The following GADL1 variants were observed in gnomAD, a reference collection of about 807,000 sequenced individuals.
GADL1 encodes the protein GAD like acidic amino acid decarboxylase 1, also known as acidic amino acid decarboxylase GADL1.
In GADL1, 71 loss-of-function variants were observed where a neutral mutation model predicts 69.5. The observed-to-expected ratio is 1.02, with a 90% CI of 0.84 to 1.25. The LOEUF (loss-of-function observed/expected upper bound fraction) is 1.25, where lower values mean the gene tolerates loss of function less well. GADL1 is among the 50% of genes most tolerant of loss of function. The pLI is 0.00. For synonymous variants in GADL1, 254 were observed against 214.4 expected, an observed-to-expected ratio of 1.18 and a Z score of -1.62; for missense variants, 737 against 631.8, an observed-to-expected ratio of 1.17 and a Z score of -1.79.
At chr3:30,810,085 T>C (rs1416983669) in intron 11 of GADL1, among the ~76,000 whole-genome samples, 1 of 152,172 alleles carries the variant, frequency 6.6e-6, no homozygotes, top group African/African-American at 2.4e-5. Flanking sequence ...GTGACATGTT[T>C]GAGCTTGTTG....
rs900614626 is a variant in GADL1, at chr3:30,727,099, C to T, written c.*1143G>A. 3 of 148,782 alleles carry T rather than the reference C, an allele frequency of 2.0e-5. No individual in the cohort carries two copies. Among genetic ancestry groups the T allele is most frequent in the Non-Finnish European group, 4.5e-5 (3 of 66,760 alleles). The allele number at this position is 148,782 out of a possible 1,614,324, so 9.2% of individuals were successfully genotyped here. On this transcript the variant is annotated 3_prime_UTR_variant, in exon 15 of 15. Transcript: ENST00000282538. Reference sequence around the variant, plus strand: ...ATATATGTGTGTATATATATATATACTATACACACACATATGTATGTGTGT... The same window carrying T: ...ATATATGTGTGTATATATATATATATTATACACACACATATGTATGTGTGT...
At chr3:30,805,343 A>T (rs1697230978) in intron 11 of GADL1, among the ~76,000 whole-genome samples, 1 of 152,166 alleles carries the variant, frequency 6.6e-6, no homozygotes, top group Non-Finnish European at 1.5e-5. Context: ...GTGGGCACTT[A>T]AATACGTGTG....
At chr3:30,850,254 C>T (rs1431995135) in intron 5 of GADL1, 143 bp from the exon 6 acceptor site, 1 of 639,906 alleles carries the variant, frequency 1.6e-6, no homozygotes, top group Non-Finnish European at 2.8e-6. Flanking sequence ...CACCGACCTC[C>T]CTGCTCCCAT....
intron 14 of GADL1, among the ~76,000 whole-genome samples, chr3:30,766,993 GAAT>G (rs1418149214): frequency 3.3e-5 from 5 of 152,232 alleles, no homozygotes; most frequent in African/African-American, 1.2e-4. Context: ...GTAACAGGAT[GAAT>G]AATAATGAAA....
chr3:30,738,168 G>A (rs1484764570), intron 14 of GADL1, among the ~76,000 whole-genome samples: 3 of 152,298 alleles, frequency 2.0e-5, no homozygotes, highest in African/African-American at 7.2e-5. Flanking sequence ...ACTCCCAAAT[G>A]TCTGCCTATG....
At chr3:30,764,630 A>G (rs1212408171) in intron 14 of GADL1, among the ~76,000 whole-genome samples, 1 of 152,232 alleles carries the variant, frequency 6.6e-6, no homozygotes, top group Non-Finnish European at 1.5e-5. Flanking sequence ...TAGATGCTCA[A>G]TAAATATATT....
chr3:30,754,541 G>A (rs769554243), intron 14 of GADL1, among the ~76,000 whole-genome samples: 2 of 152,036 alleles, frequency 1.3e-5, no homozygotes, highest in African/African-American at 2.4e-5. Context: ...CCGCTAAGCT[G>A]ACAGATGACA....
intron 4 of GADL1, among the ~76,000 whole-genome samples, chr3:30,852,373 A>G (rs1442491807): frequency 6.6e-6 from 1 of 152,034 alleles, no homozygotes; most frequent in Non-Finnish European, 1.5e-5. Flanking sequence ...TTAGCCACGC[A>G]TGGTGGTAGG....
At chr3:30,768,148 A>C (rs1274430805) in intron 14 of GADL1, among the ~76,000 whole-genome samples, 2 of 151,950 alleles carry the variant, frequency 1.3e-5, no homozygotes, top group African/African-American at 4.8e-5. Flanking sequence ...AATTAGTAAT[A>C]CAAAGCTAAT....
intron 14 of GADL1, among the ~76,000 whole-genome samples, chr3:30,758,588 T>A (rs191325877): frequency 1.0e-3 from 153 of 152,312 alleles, no homozygotes; most frequent in Non-Finnish European, 5.7e-4. Flanking sequence ...TAGCACAGTA[T>A]AAGATAACAT....
chr3:30,749,573 C>T (rs1414521764), intron 14 of GADL1, among the ~76,000 whole-genome samples: 4 of 152,212 alleles, frequency 2.6e-5, no homozygotes, highest in African/African-American at 9.7e-5. Context: ...CTACTTTGAT[C>T]TTAGAGAACA....
chr3:30,790,047 C>T (rs565760169), intron 12 of GADL1, among the ~76,000 whole-genome samples: 1 of 152,352 alleles, frequency 6.6e-6, no homozygotes, highest in East Asian at 1.9e-4. Context: ...AGAGGCCTAA[C>T]TTTGTCTGTC....
chr3:30,748,293 T>A (rs1441520811), intron 14 of GADL1, among the ~76,000 whole-genome samples: 1 of 152,186 alleles, frequency 6.6e-6, no homozygotes, highest in African/African-American at 2.4e-5. Flanking sequence ...TTTAAATGGT[T>A]CTGAAATGAA....
chr3:30,827,450 C>CA (rs1697700266), intron 11 of GADL1, among the ~76,000 whole-genome samples: 1 of 151,808 alleles, frequency 6.6e-6, no homozygotes, highest in Admixed American at 6.6e-5. Flanking sequence ...CTGTATGGGG[C>CA]ATGGATCTAA....
In GADL1 at chr3:30,742,461, T is replaced by C. The variant is rs556239402; in HGVS notation, c.1393-14046A>G. Among the ~76,000 whole-genome samples, 4 of 152,260 alleles carry C rather than the reference T, an allele frequency of 2.6e-5. No individual in the cohort carries two copies. The South Asian group carries it at 6.2e-4, about 24-fold the overall frequency. On this transcript the variant is annotated intron_variant, in intron 14 of 14. Coordinates refer to ENST00000282538, the MANE Select transcript of GADL1 (RefSeq NM_207359.3). Reference sequence around the variant, plus strand: ...AGCTCCCAGTTTCTTACCTTTTGTGTAGTTATTCAACTTTGTACATCTACT... The same window carrying C: ...AGCTCCCAGTTTCTTACCTTTTGTGCAGTTATTCAACTTTGTACATCTACT...
chr3:30,839,533 GAAGA>G (rs1263828810), intron 8 of GADL1, among the ~76,000 whole-genome samples: 1 of 57,020 alleles, frequency 1.8e-5, no homozygotes, highest in African/African-American at 2.4e-4. Flanking sequence ...AAAAAGGTTG[GAAGA>G]CAGAGCTCCC....
intron 11 of GADL1, among the ~76,000 whole-genome samples, chr3:30,823,654 G>GCC (rs1697630743): frequency 6.6e-6 from 1 of 151,914 alleles, no homozygotes; most frequent in Non-Finnish European, 1.5e-5. Context: ...CAATAGGAGA[G>GCC]CCAGGAATCA....
intron 11 of GADL1, among the ~76,000 whole-genome samples, chr3:30,820,884 G>T (rs916832131): frequency 1.9e-4 from 29 of 151,772 alleles, no homozygotes; most frequent in African/African-American, 7.0e-4. Flanking sequence ...TATGTTTATT[G>T]TGGCACTATT....
intron 14 of GADL1, among the ~76,000 whole-genome samples, chr3:30,761,054 T>G (rs1205722667): frequency 2.0e-5 from 3 of 152,216 alleles, no homozygotes; most frequent in Non-Finnish European, 4.4e-5. Flanking sequence ...GCAACTAGTA[T>G]TGTATATTTT....
Sources: allele counts gnomAD v4.1 joint callset (sites outside exome capture counted in the v4.1 genomes callset), GRCh38; gene constraint gnomAD v4.1.1; transcripts MANE v1.5; gene names NCBI Gene and HGNC (gene_info 2026-07-23, HGNC 2026-07-21).